CLK4: variants seen among roughly 807,000 people sequenced by gnomAD.
The protein encoded by CLK4 is CDC like kinase 4.
CLK4 carries 37 observed loss-of-function variants against 64.4 expected under a neutral mutation model. The observed-to-expected ratio is 0.57, with a 90% CI of 0.44 to 0.76. CLK4 has a LOEUF of 0.76. CLK4 is among the 30% of genes least tolerant of loss of function. The pLI is 0.00. For missense variants in CLK4, 457 were observed against 605.1 expected, an observed-to-expected ratio of 0.76 and a Z score of 2.57; for synonymous variants, 175 against 191.6, an observed-to-expected ratio of 0.91 and a Z score of 0.72.
intron 2 of CLK4, chr5:178,620,523 T>C (rs555227340): frequency 1.7e-4 from 66 of 399,886 alleles, no homozygotes; most frequent in South Asian, 1.1e-3. Flanking sequence ...TCTACAGAAT[T>C]ACACAGGCTA....
At position 178,605,392 on chromosome 5, in the gene CLK4, G is replaced by A. The variant is rs747516169; in HGVS notation, c.1135-10C>T. The A allele has an allele frequency of 9.8e-6, 15 of 1,524,416 alleles. No individual in the cohort carries two copies. The highest frequency in any genetic ancestry group is 2.2e-5 in the Admixed American group (1 of 46,152). 94.4% of individuals were successfully genotyped at this position (1,524,416 alleles called of 1,614,324 possible). On this transcript the variant is annotated splice_polypyrimidine_tract_variant and intron_variant, in intron 10 of 12. Transcript: ENST00000316308. ...CTTTACTATCATGAGTCTAAAACAT[G>A]TAAGAAAAAGAAATTTAGTACTCTC...
intron 2 of CLK4, chr5:178,619,800 T>C (rs1236436831): frequency 1.6e-6 from 2 of 1,289,354 alleles, no homozygotes; most frequent in Non-Finnish European, 1.0e-6. Flanking sequence ...GAAAAGGACA[T>C]AGATTCAATT....
At position 178,617,417 on chromosome 5, in the gene CLK4, T is replaced by C. The variant is rs1441160700; in HGVS notation, c.402A>G (p.Lys134=). 6.2e-7 allele frequency: 1 copy of C among 1,613,690 alleles called. No homozygotes were observed. The highest frequency in any genetic ancestry group is 1.6e-4 in the Middle Eastern group (1 of 6,062). The change falls in exon 4 of 13, where the codon AAA becomes AAG. Residue 134 remains lysine (K), a synonymous_variant. Coordinates refer to ENST00000316308, the MANE Select transcript of CLK4 (RefSeq NM_020666.3). This position sits in a 1 kb window ranked among gnomAD's most constrained non-coding sequence, Gnocchi z 5.2. ...CATCATCCTCTATACTCCTGGATCT[T>C]TTCCTTCGGTGGCTCTTCTGGAACG... ...HQSRSKSHRR[K]RSRSIEDDEE...
At chr5:178,618,799 T>C in intron 2 of CLK4, 21 bp from the exon 3 acceptor site, 1 of 1,567,600 alleles carries the variant, frequency 6.4e-7, no homozygotes, top group Non-Finnish European at 8.8e-7. Context: ...ATTAAAAGAT[T>C]TCAAATTATT....
intron 9 of CLK4, among the ~76,000 whole-genome samples, chr5:178,610,645 G>A (rs999561804): frequency 4.6e-5 from 7 of 152,020 alleles, no homozygotes; most frequent in African/African-American, 9.7e-5. Context: ...TGGTGGGTGC[G>A]GTGGCTCACA....
At chr5:178,622,810 C>G (rs73351817) in intron 2 of CLK4, 4,078 of 166,650 alleles carry the variant, frequency 0.024, 164 homozygotes, top group African/African-American at 0.092. Flanking sequence ...TGCTGCTTTT[C>G]TCTGTTGGAA....
intron 10 of CLK4, among the ~76,000 whole-genome samples, chr5:178,606,112 T>C (rs1764464406): frequency 6.6e-6 from 1 of 152,214 alleles, no homozygotes; most frequent in Non-Finnish European, 1.5e-5. Context: ...AATACTAGCT[T>C]CACATTTTAA....
intron 2 of CLK4, among the ~76,000 whole-genome samples, chr5:178,619,366 T>C (rs1195259668): frequency 6.6e-6 from 1 of 152,218 alleles, no homozygotes; most frequent in East Asian, 1.9e-4. Context: ...CAGGCCAATT[T>C]TATTACACAC....
In CLK4 at chr5:178,605,298, C is replaced by A. The variant is rs767149773; in HGVS notation, c.1214+5G>T. 1 of 1,557,126 alleles carries A rather than the reference C, an allele frequency of 6.4e-7. No homozygotes were observed. The highest frequency in any genetic ancestry group is 2.3e-5 in the East Asian group (1 of 43,080). On this transcript the variant is annotated splice_donor_5th_base_variant and intron_variant, in intron 11 of 12. Coordinates refer to ENST00000316308, the MANE Select transcript of CLK4 (RefSeq NM_020666.3). ...CCAACAAAAGTCTTGAATCTTAAAACATACCTTGTTTTCTGAATCATGTGT... is the reference window on the plus strand; with the variant it reads ...CCAACAAAAGTCTTGAATCTTAAAAAATACCTTGTTTTCTGAATCATGTGT...
intron 10 of CLK4, among the ~76,000 whole-genome samples, chr5:178,607,580 C>T (rs1003845126): frequency 2.2e-5 from 3 of 136,660 alleles, no homozygotes; most frequent in Admixed American, 8.2e-5. Flanking sequence ...GGCATGATCT[C>T]GCTCACTGCA....
At chr5:178,611,489 C>T (rs765288703) in intron 9 of CLK4, among the ~76,000 whole-genome samples, 2 of 152,190 alleles carry the variant, frequency 1.3e-5, no homozygotes, top group Admixed American at 6.5e-5. Context: ...TAGTCAGTCA[C>T]GCACAGTGAC....
Position 178,613,753 on chromosome 5 carries a change from T to C in CLK4, c.633A>G (p.Leu211=), listed in dbSNP as rs1389857813. ...ARSEIQVLEH[L]NSTDPNSVFR... is the part of the protein sequence containing the mutation. ...AGACACTATTGGGATCAGTACTATT[T>C]AAGTGCTCTAATACTTGGATTTCTG... Residue 211 remains leucine, a synonymous_variant, in exon 6 of 13, where the codon TTA becomes TTG. Transcript: ENST00000316308. The C allele has an allele frequency of 1.9e-6, 3 of 1,613,874 alleles. No individual in the cohort carries two copies. Among genetic ancestry groups the C allele is most frequent in the African/African-American group, 1.3e-5 (1 of 74,946 alleles).
intron 2 of CLK4, among the ~76,000 whole-genome samples, chr5:178,621,580 C>T (rs1481470007): frequency 6.6e-6 from 1 of 152,152 alleles, no homozygotes; most frequent in African/African-American, 2.4e-5. Flanking sequence ...AAATATATGA[C>T]AGCGGACAAA....
intron 5 of CLK4, among the ~76,000 whole-genome samples, chr5:178,615,491 G>A (rs1044706167): frequency 2.0e-5 from 3 of 152,064 alleles, no homozygotes; most frequent in African/African-American, 7.2e-5. Flanking sequence ...CATATTTGTT[G>A]CAGAAAAGCA....
chr5:178,622,286 C>T (rs1005614108), intron 2 of CLK4: 4 of 242,616 alleles, frequency 1.6e-5, no homozygotes, highest in South Asian at 1.5e-4. Flanking sequence ...CTTCCCCCTT[C>T]CCCTTATATA....
Position 178,618,685 on chromosome 5 carries a change from A to C in CLK4, c.255T>G (p.Val85=). The change falls in exon 3 of 13, where the codon GTT becomes GTG. Residue 85 remains valine (V), a synonymous_variant. Coordinates refer to ENST00000316308, the MANE Select transcript of CLK4 (RefSeq NM_020666.3). The part of the protein sequence containing the change: ...EYRNDYCEGY[V]PRHYHRDIES... ...CAATGTCTCTGTGATAATGTCTAGG[A>C]ACATATCCTTCACAGTAGTCATTCC... 6.2e-7 allele frequency: 1 copy of C among 1,613,992 alleles called. No individual in the cohort carries two copies. The highest frequency in any genetic ancestry group is 8.5e-7 in the Non-Finnish European group (1 of 1,179,910).
chr5:178,621,098 G>A (rs1439920073), intron 2 of CLK4, among the ~76,000 whole-genome samples: 1 of 152,166 alleles, frequency 6.6e-6, no homozygotes, highest in African/African-American at 2.4e-5. Flanking sequence ...GCTGAGAATA[G>A]CATCATTAAA....
chr5:178,618,514 C>G (rs182200882), intron 3 of CLK4, 42 bp downstream of exon 3: 87 of 1,409,126 alleles, frequency 6.2e-5, no homozygotes, highest in Admixed American at 3.1e-4. Flanking sequence ...AGAGTACACA[C>G]AAATAAAACT....
chr5:178,616,704 G>A (rs1455375480), intron 5 of CLK4, among the ~76,000 whole-genome samples, 178 bp downstream of exon 5: 1 of 152,132 alleles, frequency 6.6e-6, no homozygotes, highest in African/African-American at 2.4e-5. Flanking sequence ...GCTGAAGCAG[G>A]AGAATCACTT....
Sources: allele counts gnomAD v4.1 joint callset (sites outside exome capture counted in the v4.1 genomes callset), GRCh38; gene constraint gnomAD v4.1.1; non-coding constraint Gnocchi (gnomAD v3.1); transcripts MANE v1.5; gene names NCBI Gene and HGNC (gene_info 2026-07-23, HGNC 2026-07-21).